ZFPM2: variants seen among roughly 807,000 people sequenced by gnomAD.
ZFPM2 encodes zinc finger protein, FOG family member 2, also known as zinc finger protein ZFPM2.
In ZFPM2, 20 loss-of-function variants were observed where a neutral mutation model predicts 98.6. That is an observed-to-expected ratio of 0.20 (90% CI 0.14 to 0.29). The LOEUF is 0.29. Ranked by LOEUF, ZFPM2 falls within the 10% of genes least tolerant of loss-of-function variation. The pLI, the probability that ZFPM2 is intolerant of heterozygous loss-of-function variation, is 1.00. For synonymous variants in ZFPM2, 518 were observed against 502.7 expected, an observed-to-expected ratio of 1.03 and a Z score of -0.41; for missense variants, 1,310 against 1,388.6, an observed-to-expected ratio of 0.94 and a Z score of 0.90.
chr8:105,459,524 T>G (rs1249234513), intron 3 of ZFPM2, among the ~76,000 whole-genome samples: 1 of 152,164 alleles, frequency 6.6e-6, no homozygotes, highest in Non-Finnish European at 1.5e-5. Context: ...TACCACAGAC[T>G]GGGTGGATTA....
At chr8:105,412,733 A>G (rs1811601749) in intron 1 of ZFPM2, among the ~76,000 whole-genome samples, 1 of 151,664 alleles carries the variant, frequency 6.6e-6, no homozygotes, top group Non-Finnish European at 1.5e-5. Context: ...GCTCAATTAC[A>G]TGAGTTAGTA....
chr8:105,396,358 G>A (rs1444045222), intron 1 of ZFPM2, among the ~76,000 whole-genome samples: 1 of 152,216 alleles, frequency 6.6e-6, no homozygotes. Flanking sequence ...GATGGAGTGT[G>A]AGTACCTGCC....
chr8:105,578,499 G>A (rs140329357), intron 4 of ZFPM2, among the ~76,000 whole-genome samples: 3,768 of 152,096 alleles, frequency 0.025, 65 homozygotes, highest in Non-Finnish European at 0.038. Flanking sequence ...AATATATACA[G>A]CATTTAAAAG....
At chr8:105,662,418 A>G (rs575208711) in intron 5 of ZFPM2, 6 of 152,272 alleles carry the variant, frequency 3.9e-5, no homozygotes, top group African/African-American at 9.6e-5. Context: ...TAACCCCTGT[A>G]TCAACTTGGG....
chr8:105,363,757 T>G (rs1810451974), intron 1 of ZFPM2, among the ~76,000 whole-genome samples: 1 of 152,086 alleles, frequency 6.6e-6, no homozygotes, highest in Non-Finnish European at 1.5e-5. Context: ...AACTTAGGAA[T>G]GGAGCAGGCA....
intron 3 of ZFPM2, among the ~76,000 whole-genome samples, chr8:105,490,795 C>T (rs1813341784): frequency 6.6e-6 from 1 of 152,142 alleles, no homozygotes; most frequent in East Asian, 1.9e-4. Context: ...ATAAAACTTC[C>T]AATCTAATAT....
At chr8:105,476,840 G>C (rs1813021631) in intron 3 of ZFPM2, among the ~76,000 whole-genome samples, 1 of 151,502 alleles carries the variant, frequency 6.6e-6, no homozygotes, top group Admixed American at 6.6e-5. Flanking sequence ...ACTAGGGATG[G>C]TGTTGGGGGT....
chr8:105,583,489 C>A (rs986562230), intron 4 of ZFPM2, among the ~76,000 whole-genome samples: 1 of 152,050 alleles, frequency 6.6e-6, no homozygotes, highest in Non-Finnish European at 1.5e-5. Context: ...TTGGGGTTAT[C>A]TTTTTTCGGT....
At chr8:105,614,732 G>A (rs550160968) in intron 4 of ZFPM2, among the ~76,000 whole-genome samples, 2 of 152,132 alleles carry the variant, frequency 1.3e-5, no homozygotes, top group Non-Finnish European at 2.9e-5. Flanking sequence ...TTCACTATTT[G>A]CCCTTTCTCC....
intron 4 of ZFPM2, among the ~76,000 whole-genome samples, chr8:105,576,553 A>G (rs531484472): frequency 6.6e-6 from 1 of 152,302 alleles, no homozygotes; most frequent in South Asian, 2.1e-4. Flanking sequence ...TGGTTAAAAT[A>G]ATGTCTGTGT....
intron 3 of ZFPM2, among the ~76,000 whole-genome samples, chr8:105,560,218 A>C (rs562553518): frequency 6.6e-6 from 1 of 151,506 alleles, no homozygotes; most frequent in East Asian, 1.9e-4. Flanking sequence ...AATATATTCT[A>C]TTCTATTTTC....
chr8:105,654,223 A>G (rs544905594), intron 5 of ZFPM2, among the ~76,000 whole-genome samples: 4 of 152,118 alleles, frequency 2.6e-5, no homozygotes, highest in Admixed American at 6.5e-5. Flanking sequence ...GAAGGAAAAA[A>G]AAAAACAAAT....
At chr8:105,457,611 T>G (rs950889196) in intron 3 of ZFPM2, among the ~76,000 whole-genome samples, 1 of 152,178 alleles carries the variant, frequency 6.6e-6, no homozygotes, top group Non-Finnish European at 1.5e-5. Flanking sequence ...GAAATAATGA[T>G]CTGGTCAAGC....
At chr8:105,552,234 C>A (rs1307552950) in intron 3 of ZFPM2, among the ~76,000 whole-genome samples, 1 of 152,128 alleles carries the variant, frequency 6.6e-6, no homozygotes, top group Non-Finnish European at 1.5e-5. Flanking sequence ...CATGGACGGA[C>A]CTTTCTGTGG....
chr8:105,651,809 C>T (rs1437725428), intron 5 of ZFPM2, among the ~76,000 whole-genome samples: 2 of 152,172 alleles, frequency 1.3e-5, no homozygotes, highest in East Asian at 1.9e-4. Flanking sequence ...ACAGAATAAA[C>T]TCTAGTGTTA....
At chr8:105,684,779 G>A (rs769314186) in intron 5 of ZFPM2, 4 of 151,936 alleles carry the variant, frequency 2.6e-5, no homozygotes, top group East Asian at 1.9e-4. Context: ...TACCAGGAGC[G>A]TGTAAAAATC....
Position 105,802,303 on chromosome 8 carries a change from A to G in ZFPM2, c.2221A>G (p.Met741Val). 6.2e-7 allele frequency: 1 copy of G among 1,613,780 alleles called. No individual in the cohort carries two copies. The highest frequency in any genetic ancestry group is 1.3e-5 in the African/African-American group (1 of 75,040). ...RTMRTRKRRK[M>V]YEMCLPEQEQ... ...CATGCGCACACGCAAGCGCAGAAAG[A>G]TGTATGAGATGTGCCTACCTGAGCA... The change falls in exon 8 of 8, where the codon ATG becomes GTG. Residue 741 changes from methionine (M) to valine (V), a missense_variant. By Grantham distance (21) the Met-to-Val change is conservative (BLOSUM62 1). Transcript: ENST00000407775.
At chr8:105,327,561 T>C (rs558196234) in intron 1 of ZFPM2, among the ~76,000 whole-genome samples, 1 of 151,796 alleles carries the variant, frequency 6.6e-6, no homozygotes, top group East Asian at 1.9e-4. Context: ...ATTTCTCTTA[T>C]TCTATACAGA....
chr8:105,663,643 C>A, intron 5 of ZFPM2, among the ~76,000 whole-genome samples: 1 of 152,244 alleles, frequency 6.6e-6, no homozygotes, highest in African/African-American at 2.4e-5. Context: ...TTGCTTTTAC[C>A]ATCTCATTGA....
Sources: allele counts gnomAD v4.1 joint callset (sites outside exome capture counted in the v4.1 genomes callset), GRCh38; gene constraint gnomAD v4.1.1; transcripts MANE v1.5; gene names NCBI Gene and HGNC (gene_info 2026-07-23, HGNC 2026-07-21).